Variants in PTPRF observed in about 807,000 individuals in gnomAD.
PTPRF encodes the protein protein tyrosine phosphatase receptor type F, also known as receptor-type tyrosine-protein phosphatase F.
A neutral mutation model predicts 201.8 loss-of-function variants in PTPRF; 59 were observed. The ratio of observed to expected loss-of-function variants is 0.29; its 90% CI spans 0.24 to 0.36. The LOEUF is 0.36. Among genes scored for constraint, PTPRF ranks in the 10% least tolerant of loss-of-function variants. The pLI is 1.00. For synonymous variants in PTPRF, 1,088 were observed against 1,089.7 expected, an observed-to-expected ratio of 1.00 and a Z score of 0.03; for missense variants, 2,132 against 2,690.5, an observed-to-expected ratio of 0.79 and a Z score of 4.59.
At chr1:43,618,057 T>G in intron 25 of PTPRF, 146 bp downstream of exon 25, 1 of 848,292 alleles carries the variant, frequency 1.2e-6, no homozygotes, top group Non-Finnish European at 1.8e-6. Context: ...GGTATTATGC[T>G]CCCCAAATAC....
chr1:43,590,900 A>G lies in PTPRF; in HGVS notation c.950-72A>G, dbSNP rs1650507972. ...GTGACCCCACCAGATATCCTGGATAATCCCCAAGTCTAGGGTTGGTTCCTA... is the reference window on the plus strand; with the variant it reads ...GTGACCCCACCAGATATCCTGGATAGTCCCCAAGTCTAGGGTTGGTTCCTA... On this transcript the variant is annotated intron_variant, in intron 8 of 33. Transcript: ENST00000359947. The G allele has an allele frequency of 2.9e-6, 4 of 1,369,922 alleles. No homozygotes were observed. The African/African-American group carries it at 5.8e-5, about 20-fold the overall frequency. 84.9% of individuals were successfully genotyped at this position (1,369,922 alleles called of 1,614,324 possible).
Position 43,620,499 on chromosome 1 carries a change from C to G in PTPRF, c.5284C>G (p.Gln1762Glu). 1 of 1,613,458 alleles carries G rather than the reference C, an allele frequency of 6.2e-7. No homozygotes were observed. The highest frequency in any genetic ancestry group is 1.1e-5 in the South Asian group (1 of 91,066). The change falls in exon 31 of 34, where the codon CAG (glutamine) becomes GAG (glutamate). Residue 1762 changes from glutamine (Q) to glutamate (E), a missense_variant. Gln to Glu is a conservative substitution (Grantham distance 29). This residue lies in a region of PTPRF where 519 missense variants were observed against 659.5 expected (regional missense o/e 0.79). Coordinates refer to ENST00000359947, the MANE Select transcript of PTPRF (RefSeq NM_002840.5). ...GCCAGCAGAGCGCTCTGCTCGCTACCAGTACTTTGTTGTTGACCCGATGGC... is the reference window on the plus strand; with the variant it reads ...GCCAGCAGAGCGCTCTGCTCGCTACGAGTACTTTGTTGTTGACCCGATGGC... ...YWPAERSARY[Q>E]YFVVDPMAEY...
At chr1:43,575,279 C>T (rs1012942017) in intron 6 of PTPRF, among the ~76,000 whole-genome samples, 7 of 152,184 alleles carry the variant, frequency 4.6e-5, no homozygotes, top group South Asian at 4.1e-4. Context: ...CTCTGCCTCT[C>T]GCCAGCCAGG....
intron 5 of PTPRF, among the ~76,000 whole-genome samples, chr1:43,563,633 G>T (rs544049588): frequency 6.6e-6 from 1 of 152,358 alleles, no homozygotes; most frequent in African/African-American, 2.4e-5. Flanking sequence ...GTGGTCAGCA[G>T]GGCGGGGTGC....
chr1:43,563,798 A>G (rs1383630077), intron 5 of PTPRF, among the ~76,000 whole-genome samples: 2 of 152,196 alleles, frequency 1.3e-5, no homozygotes, highest in Non-Finnish European at 1.5e-5. Context: ...ATGGATGACA[A>G]GAGTCTCCCT....
chr1:43,550,368 C>G (rs1216996319), intron 3 of PTPRF, among the ~76,000 whole-genome samples: 2 of 152,228 alleles, frequency 1.3e-5, no homozygotes, highest in Non-Finnish European at 2.9e-5. Flanking sequence ...ACCCCGCCCC[C>G]AGGCGCACTC....
chr1:43,524,122 C>T (rs1323649685), upstream of PTPRF, among the ~76,000 whole-genome samples: 1 of 146,712 alleles, frequency 6.8e-6, no homozygotes, highest in East Asian at 2.0e-4. Flanking sequence ...GAATGGAAAA[C>T]CAAATACCGT....
intron 3 of PTPRF, among the ~76,000 whole-genome samples, chr1:43,548,061 G>A (rs1644794043): frequency 6.6e-6 from 1 of 151,994 alleles, no homozygotes; most frequent in African/African-American, 2.4e-5. Flanking sequence ...TCTTGGGAGA[G>A]GAGTTGGGAG....
intron 11 of PTPRF, among the ~76,000 whole-genome samples, chr1:43,597,049 A>G: frequency 6.6e-6 from 1 of 150,996 alleles, no homozygotes; most frequent in African/African-American, 2.4e-5. Flanking sequence ...GAGACAGCCT[A>G]TGTATGTGAC....
At chr1:43,569,958 G>A in intron 6 of PTPRF, among the ~76,000 whole-genome samples, 180 bp downstream of exon 6, 1 of 152,172 alleles carries the variant, frequency 6.6e-6, no homozygotes, top group East Asian at 1.9e-4. Context: ...CTCGTGGTTG[G>A]CTGTGCCGTT....
At chr1:43,552,165 TG>T (rs1485419921) in intron 3 of PTPRF, among the ~76,000 whole-genome samples, 10 of 152,190 alleles carry the variant, frequency 6.6e-5, no homozygotes, top group African/African-American at 2.2e-4. Flanking sequence ...TTCCAGCTGC[TG>T]GCTGTATAGT....
At chr1:43,529,814 A>G (rs1643295606), upstream of PTPRF, among the ~76,000 whole-genome samples, 1 of 152,224 alleles carries the variant, frequency 6.6e-6, no homozygotes, top group Non-Finnish European at 1.5e-5. Context: ...GGTTTCACCC[A>G]GAAATTTCTA....
In PTPRF at chr1:43,603,992, G is replaced by C; in HGVS notation, c.2840G>C (p.Arg947Pro). 1 of 1,614,174 alleles carries C rather than the reference G, an allele frequency of 6.2e-7. No individual in the cohort carries two copies. Among genetic ancestry groups the C allele is most frequent in the South Asian group, 1.1e-5 (1 of 91,080 alleles). ...DPPVLAERNG[R>P]IISYTVVFRD... ...CCAGTGCTGGCGGAGAGGAACGGGC[G>C]CATCATCAGCTACACCGTGGTGTTC... The change falls in exon 16 of 34, where the codon CGC (arginine) becomes CCC (proline). Residue 947 changes from arginine (R) to proline (P), a missense_variant. Arg to Pro is a moderately radical substitution (Grantham distance 103, BLOSUM62 -2). This residue lies in a region of PTPRF where 818 missense variants were observed against 915.3 expected (regional missense o/e 0.89). Transcript: ENST00000359947. The surrounding 1 kb of genome is among the most constrained non-coding windows in gnomAD (Gnocchi z 5.8).
chr1:43,566,400 C>T (rs951209452), intron 5 of PTPRF, among the ~76,000 whole-genome samples: 4 of 152,204 alleles, frequency 2.6e-5, no homozygotes, highest in Non-Finnish European at 2.9e-5. Flanking sequence ...ATCTTACTGT[C>T]CCTCATACCT....
chr1:43,576,553 G>T (rs1646943992), intron 6 of PTPRF, among the ~76,000 whole-genome samples: 1 of 152,214 alleles, frequency 6.6e-6, no homozygotes, highest in African/African-American at 2.4e-5. Flanking sequence ...CCTCCACGCA[G>T]CAGGGCCCTG....
chr1:43,585,533 T>C (rs1307675226), intron 7 of PTPRF, among the ~76,000 whole-genome samples: 2 of 152,174 alleles, frequency 1.3e-5, no homozygotes, highest in Admixed American at 6.5e-5. Flanking sequence ...AAGGCCACTG[T>C]TGACCTCTCA....
chr1:43,588,856 G>A lies in PTPRF; in HGVS notation c.805G>A (p.Ala269Thr). The change falls in exon 8 of 34, where the codon GCC becomes ACC. Residue 269 changes from alanine (A) to threonine (T), a missense_variant. Ala to Thr is a moderately conservative substitution (Grantham distance 58). Coordinates refer to ENST00000359947, the MANE Select transcript of PTPRF (RefSeq NM_002840.5). The surrounding 1 kb of genome is among the most constrained non-coding windows in gnomAD (Gnocchi z 5.3). ...PMPYVKWMMG[A>T]EELTKEDEMP... Reference sequence around the variant, plus strand: ...GCCCTACGTGAAGTGGATGATGGGGGCCGAGGAGCTCACCAAGGAGGATGA... The same window carrying A: ...GCCCTACGTGAAGTGGATGATGGGGACCGAGGAGCTCACCAAGGAGGATGA... The A allele has an allele frequency of 6.2e-7, 1 of 1,614,114 alleles. No homozygotes were observed. The highest frequency in any genetic ancestry group is 8.5e-7 in the Non-Finnish European group (1 of 1,180,018).
chr1:43,563,873 C>T (rs1207891343), intron 5 of PTPRF, among the ~76,000 whole-genome samples: 1 of 152,070 alleles, frequency 6.6e-6, no homozygotes, highest in Non-Finnish European at 1.5e-5. Flanking sequence ...TCTGGAACTC[C>T]AGTGTGGGTC....
chr1:43,579,287 T>C, intron 7 of PTPRF: 2 of 475,258 alleles, frequency 4.2e-6, no homozygotes, highest in Non-Finnish European at 8.6e-6. Context: ...TGTGTGTAAA[T>C]GCATGCATAC....
Sources: gnomAD v4.1 joint callset for allele counts (sites outside exome capture counted in the v4.1 genomes callset) on GRCh38, gnomAD v4.1.1 for gene constraint, gnomAD v4.1.1 regional missense constraint, Gnocchi (gnomAD v3.1) non-coding constraint, MANE v1.5 for transcripts, NCBI Gene and HGNC (gene_info 2026-07-23, HGNC 2026-07-21) for gene names.